The following TMC1 variants were observed in gnomAD, a reference collection of about 807,000 sequenced individuals.
TMC1 encodes transmembrane channel-like protein 1.
Under a neutral mutation model 105.8 loss-of-function variants are expected in TMC1, and 84 were observed. The observed-to-expected ratio is 0.79, with a 90% CI of 0.67 to 0.95. The LOEUF (loss-of-function observed/expected upper bound fraction) is 0.95. Ranked by LOEUF, TMC1 falls within the 40% of genes least tolerant of loss-of-function variation. The pLI, the probability that TMC1 is intolerant of heterozygous loss-of-function variation, is 0.00. For missense variants in TMC1, 817 were observed against 914.1 expected (o/e 0.89, Z 1.37); for synonymous variants, 315 against 311.5 (o/e 1.01, Z -0.12).
At chr9:72,751,098 T>C (rs1827573501) in intron 10 of TMC1, among the ~76,000 whole-genome samples, 1 of 152,240 alleles carries the variant, frequency 6.6e-6, no homozygotes, top group Non-Finnish European at 1.5e-5. Context: ...CTCTATCTCC[T>C]GTCATCTACA....
chr9:72,735,178 T>C (rs777043553), intron 8 of TMC1, among the ~76,000 whole-genome samples: 1 of 152,204 alleles, frequency 6.6e-6, no homozygotes, highest in African/African-American at 2.4e-5. Flanking sequence ...GTGCATATTG[T>C]AGCACGGTTT....
At chr9:72,791,204 CT>C (rs1828261560) in intron 15 of TMC1, among the ~76,000 whole-genome samples, 1 of 151,986 alleles carries the variant, frequency 6.6e-6, no homozygotes, top group South Asian at 2.1e-4. Flanking sequence ...TCTCTCCCCC[CT>C]CTCCCCACCC....
intron 8 of TMC1, among the ~76,000 whole-genome samples, chr9:72,712,111 C>G (rs1234958031): frequency 6.6e-6 from 1 of 152,126 alleles, no homozygotes; most frequent in Non-Finnish European, 1.5e-5. Context: ...GGCCTCTGTT[C>G]TGTTCCATTG....
At chr9:72,593,884 T>A (rs1328665015) in intron 2 of TMC1, among the ~76,000 whole-genome samples, 6 of 152,126 alleles carry the variant, frequency 3.9e-5, no homozygotes, top group Non-Finnish European at 1.5e-5. Context: ...GTCAGTGACC[T>A]CCTTTGTTGC....
At chr9:72,712,269 T>C (rs184991262) in intron 8 of TMC1, among the ~76,000 whole-genome samples, 2 of 152,228 alleles carry the variant, frequency 1.3e-5, no homozygotes, top group African/African-American at 4.8e-5. Flanking sequence ...TTTGGTTCCA[T>C]ATGAAATGTA....
chr9:72,545,428 T>C (rs1823751050), intron 1 of TMC1, among the ~76,000 whole-genome samples: 2 of 152,156 alleles, frequency 1.3e-5, no homozygotes, highest in African/African-American at 4.8e-5. Context: ...AACTGGTCAA[T>C]GATTTCATTA....
At chr9:72,539,883 T>C (rs553856855) in intron 1 of TMC1, among the ~76,000 whole-genome samples, 3 of 152,342 alleles carry the variant, frequency 2.0e-5, no homozygotes, top group Admixed American at 2.0e-4. Context: ...CTCACAGTTC[T>C]GCAAGCCTGT....
intron 4 of TMC1, among the ~76,000 whole-genome samples, chr9:72,629,590 G>A (rs1420270785): frequency 6.6e-6 from 1 of 152,120 alleles, no homozygotes; most frequent in Non-Finnish European, 1.5e-5. Flanking sequence ...GTGTGTGTGT[G>A]TGTTTATGTG....
At chr9:72,821,144 T>A (rs1202024082) in intron 20 of TMC1, 63 bp downstream of exon 20, 1 of 1,608,644 alleles carries the variant, frequency 6.2e-7, no homozygotes, top group Non-Finnish European at 8.5e-7. Context: ...GTGGGAATGG[T>A]CATTCATTGT....
At chr9:72,755,021 A>C (rs1827650535) in intron 12 of TMC1, 137 bp downstream of exon 12, 1 of 442,990 alleles carries the variant, frequency 2.3e-6, no homozygotes. Flanking sequence ...TTAAGAAAGA[A>C]AGGAAAGAAA....
At chr9:72,729,930 A>G (rs1827181676) in intron 8 of TMC1, among the ~76,000 whole-genome samples, 1 of 152,236 alleles carries the variant, frequency 6.6e-6, no homozygotes, top group Admixed American at 6.5e-5. Flanking sequence ...GAATTATCTA[A>G]TAGTAATGAA....
At chr9:72,820,703 G>GA in intron 19 of TMC1, 139 bp from the exon 20 acceptor site, 1 of 1,045,602 alleles carries the variant, frequency 9.6e-7, no homozygotes, top group South Asian at 1.4e-5. Flanking sequence ...GTTTCTTTAT[G>GA]AAAAGGGTTT....
intron 10 of TMC1, among the ~76,000 whole-genome samples, chr9:72,747,307 T>C (rs774592910): frequency 4.6e-5 from 7 of 152,186 alleles, no homozygotes; most frequent in Non-Finnish European, 1.0e-4. Context: ...CCTAACATGA[T>C]GGTATTTATA....
chr9:72,775,533 T>C (rs546804646), intron 13 of TMC1, among the ~76,000 whole-genome samples: 1 of 152,292 alleles, frequency 6.6e-6, no homozygotes, highest in East Asian at 1.9e-4. Context: ...ACTGGTCTAT[T>C]TTACAGCAGC....
At chr9:72,816,082 AT>A in intron 18 of TMC1, 60 bp from the exon 19 acceptor site, 1 of 1,499,554 alleles carries the variant, frequency 6.7e-7, no homozygotes, top group Non-Finnish European at 9.3e-7. Context: ...ATGCAGAACA[AT>A]TTGCCTTTCA....
intron 12 of TMC1, among the ~76,000 whole-genome samples, chr9:72,757,104 A>G (rs1827686858): frequency 6.6e-6 from 1 of 152,194 alleles, no homozygotes; most frequent in African/African-American, 2.4e-5. Flanking sequence ...CAATGAGAGA[A>G]ATTTTAAAGG....
At chr9:72,726,338 T>C (rs1279846514) in intron 8 of TMC1, among the ~76,000 whole-genome samples, 1 of 152,244 alleles carries the variant, frequency 6.6e-6, no homozygotes, top group African/African-American at 2.4e-5. Context: ...ATCTACATAA[T>C]GATACATGAT....
chr9:72,700,285 G>A (rs1269798790), intron 7 of TMC1, among the ~76,000 whole-genome samples: 2 of 151,184 alleles, frequency 1.3e-5, no homozygotes, highest in African/African-American at 4.9e-5. Flanking sequence ...GAAAAAAACA[G>A]AATGGCTTAG....
intron 9 of TMC1, among the ~76,000 whole-genome samples, chr9:72,740,771 C>T (rs1827375840): frequency 6.6e-6 from 1 of 152,150 alleles, no homozygotes. Flanking sequence ...ATTATCTCCT[C>T]TTTACAAATG....
Sources: gnomAD v4.1 joint callset for allele counts (sites outside exome capture counted in the v4.1 genomes callset) on GRCh38, gnomAD v4.1.1 for gene constraint, MANE v1.5 for transcripts, NCBI Gene and HGNC (gene_info 2026-07-23, HGNC 2026-07-21) for gene names.